The following GLRA3 variants were observed in gnomAD, a reference collection of about 807,000 sequenced individuals.
GLRA3 encodes glycine receptor alpha 3.
In GLRA3, 44 loss-of-function variants were observed where a neutral mutation model predicts 60.4. The ratio of observed to expected loss-of-function variants is 0.73; its 90% CI spans 0.57 to 0.94. The LOEUF (loss-of-function observed/expected upper bound fraction) is 0.94. Ranked by LOEUF, GLRA3 falls within the 40% of genes least tolerant of loss-of-function variation. The probability of loss-of-function intolerance (pLI) is 0.00; values close to 1 mark genes in which losing one functional copy is unlikely to be tolerated. For synonymous variants in GLRA3, 223 were observed against 192.9 expected, an observed-to-expected ratio of 1.16 and a Z score of -1.29; for missense variants, 508 against 564.6, an observed-to-expected ratio of 0.90 and a Z score of 1.02.
At chr4:174,662,805 T>C (rs1057415225) in intron 7 of GLRA3, among the ~76,000 whole-genome samples, 5 of 151,790 alleles carry the variant, frequency 3.3e-5, no homozygotes, top group Non-Finnish European at 5.9e-5. Flanking sequence ...ACACATTGCA[T>C]TGGAATTGTT....
intron 3 of GLRA3, among the ~76,000 whole-genome samples, chr4:174,755,830 A>T (rs1737670833): frequency 6.6e-6 from 1 of 152,134 alleles, no homozygotes. Flanking sequence ...GATAAACATT[A>T]ATTATAAATT....
chr4:174,767,411 T>G (rs1465541742), intron 2 of GLRA3, among the ~76,000 whole-genome samples: 1 of 152,090 alleles, frequency 6.6e-6, no homozygotes, highest in Non-Finnish European at 1.5e-5. Flanking sequence ...TATATTTTTT[T>G]TTGTTGAAAA....
At chr4:174,704,506 T>C (rs1269493892) in intron 5 of GLRA3, among the ~76,000 whole-genome samples, 1 of 143,616 alleles carries the variant, frequency 7.0e-6, no homozygotes, top group African/African-American at 2.5e-5. Flanking sequence ...TGGTGGAGTA[T>C]AAGATGGTGC....
At position 174,650,001 on chromosome 4, in the gene GLRA3, C is replaced by T. The variant is rs375794359; in HGVS notation, c.1117-5937G>A. Among the ~76,000 whole-genome samples the T allele has an allele frequency of 3.2e-4, 49 of 152,206 alleles. No homozygotes were observed. The East Asian group carries it at 5.2e-3, about 16-fold the overall frequency. On this transcript the variant is annotated intron_variant, in intron 9 of 9. Coordinates refer to ENST00000274093, the MANE Select transcript of GLRA3 (RefSeq NM_006529.4). The stretch of plus-strand genomic sequence containing the variant: ...AAAGTAAGTTTTTTAATAAGTGATA[C>T]TTTCCCTGACCAAGCAGAAAGTCAG...
chr4:174,796,186 CCCTTCCA>C (rs1739558218), intron 1 of GLRA3, among the ~76,000 whole-genome samples: 1 of 152,000 alleles, frequency 6.6e-6, no homozygotes. Flanking sequence ...TTTTCCTTGC[CCCTTCCA>C]CCATGTGAGG....
chr4:174,703,198 C>T (rs1351400500), intron 5 of GLRA3, among the ~76,000 whole-genome samples: 2 of 152,244 alleles, frequency 1.3e-5, no homozygotes, highest in East Asian at 3.9e-4. Flanking sequence ...AACTTCAAAT[C>T]CTCTGGATTG....
At chr4:174,727,072 CAATAG>C (rs2111128671) in intron 4 of GLRA3, among the ~76,000 whole-genome samples, 1 of 152,184 alleles carries the variant, frequency 6.6e-6, no homozygotes, top group East Asian at 1.9e-4. Context: ...GGTCAATTCA[CAATAG>C]AGTGATGTCA....
chr4:174,792,641 AT>A (rs1739400751), intron 1 of GLRA3, among the ~76,000 whole-genome samples: 1 of 152,182 alleles, frequency 6.6e-6, no homozygotes, highest in African/African-American at 2.4e-5. Context: ...TGTTAAGTAT[AT>A]TGTGTGCCCA....
rs776315842 is a variant in GLRA3 at position 174,643,996 on chromosome 4, C to T, written c.1185G>A (p.Lys395=). The change falls in exon 10 of 10, where the codon AAG becomes AAA. Residue 395 remains lysine (K), a synonymous_variant. Transcript: ENST00000274093. The stretch of plus-strand genomic sequence containing the variant: ...TGGGGCCCTTTGGAGTCATGCCATC[C>T]TTTGCTTGTAGACATGGTCCCATTC... The part of the protein sequence containing the change: ...AYGMGPCLQA[K]DGMTPKGPNH... 3 of 1,613,876 alleles carry T rather than the reference C, an allele frequency of 1.9e-6. No individual in the cohort carries two copies. Among genetic ancestry groups the T allele is most frequent in the Non-Finnish European group, 2.5e-6 (3 of 1,179,904 alleles).
intron 2 of GLRA3, among the ~76,000 whole-genome samples, chr4:174,783,792 G>A (rs146333340): frequency 0.25 from 37,069 of 149,394 alleles, 4,830 homozygotes; most frequent in Non-Finnish European, 0.29. Flanking sequence ...ACCAGTTAGA[G>A]TGGCAATCAT....
At chr4:174,679,441 A>T (rs1268676095) in intron 6 of GLRA3, among the ~76,000 whole-genome samples, 2 of 152,212 alleles carry the variant, frequency 1.3e-5, no homozygotes, top group Admixed American at 1.3e-4. Flanking sequence ...GAACACTTGT[A>T]CACCATTGGT....
chr4:174,650,843 A>G (rs1732999888), intron 9 of GLRA3, among the ~76,000 whole-genome samples: 2 of 152,354 alleles, frequency 1.3e-5, no homozygotes, highest in South Asian at 4.1e-4. Context: ...CAGACCATCT[A>G]GTTTACCAGT....
At chr4:174,727,878 G>A (rs1051289457) in intron 4 of GLRA3, among the ~76,000 whole-genome samples, 1 of 151,952 alleles carries the variant, frequency 6.6e-6, no homozygotes, top group Non-Finnish European at 1.5e-5. Context: ...CAGGGATTGT[G>A]ATTAAGGTTT....
intron 2 of GLRA3, among the ~76,000 whole-genome samples, chr4:174,774,619 T>C (rs927421400): frequency 1.3e-5 from 2 of 152,130 alleles, no homozygotes; most frequent in African/African-American, 4.8e-5. Flanking sequence ...CAAAGTGAAG[T>C]ATATTCTTCT....
intron 6 of GLRA3, among the ~76,000 whole-genome samples, chr4:174,680,918 G>A (rs1009728395): frequency 5.3e-5 from 8 of 152,062 alleles, no homozygotes; most frequent in Admixed American, 5.2e-4. Context: ...AGGTATATGT[G>A]GTATCTAGGC....
intron 1 of GLRA3, among the ~76,000 whole-genome samples, chr4:174,790,076 C>G (rs557059292): frequency 6.6e-6 from 1 of 152,320 alleles, no homozygotes; most frequent in East Asian, 1.9e-4. Context: ...AAAATCTCAT[C>G]AATCTTGGTG....
chr4:174,731,688 C>A (rs1400269782), intron 3 of GLRA3, among the ~76,000 whole-genome samples: 2 of 152,068 alleles, frequency 1.3e-5, no homozygotes, highest in Non-Finnish European at 2.9e-5. Flanking sequence ...TTCTGTTCAT[C>A]CAAAGGTCAC....
intron 2 of GLRA3, among the ~76,000 whole-genome samples, chr4:174,770,224 A>G (rs1485932): frequency 0.95 from 144,092 of 152,222 alleles, 68,680 homozygotes; most frequent in East Asian, 1. Context: ...TAAATCCTAT[A>G]CTACACATTG....
At chr4:174,718,571 T>C (rs1736009534) in intron 4 of GLRA3, among the ~76,000 whole-genome samples, 1 of 152,220 alleles carries the variant, frequency 6.6e-6, no homozygotes, top group African/African-American at 2.4e-5. Flanking sequence ...TCTCAACCAC[T>C]AGTTGAATTA....
Sources: gnomAD v4.1 joint callset for allele counts (sites outside exome capture counted in the v4.1 genomes callset) on GRCh38, gnomAD v4.1.1 for gene constraint, MANE v1.5 for transcripts, NCBI Gene and HGNC (gene_info 2026-07-23, HGNC 2026-07-21) for gene names.